Variants in TEX14 observed in about 807,000 individuals in gnomAD.
The protein encoded by TEX14 is inactive serine/threonine-protein kinase TEX14.
Under a neutral mutation model 178.6 loss-of-function variants are expected in TEX14, and 168 were observed. That is an observed-to-expected ratio of 0.94 (90% CI 0.83 to 1.07). The LOEUF (loss-of-function observed/expected upper bound fraction) is 1.07. Among genes scored for constraint, TEX14 ranks in the 50% least tolerant of loss-of-function variants. TEX14 has a pLI of 0.00. For synonymous variants in TEX14, 626 were observed against 634.1 expected (o/e 0.99, Z 0.19); for missense variants, 1,730 against 1,753.6 (o/e 0.99, Z 0.24).
intron 3 of TEX14, among the ~76,000 whole-genome samples, chr17:58,627,440 A>T (rs1230316919): frequency 6.6e-6 from 1 of 152,190 alleles, no homozygotes; most frequent in Non-Finnish European, 1.5e-5. Context: ...TATATCACTC[A>T]AGGCGATGTT....
rs1365502003 is a variant in TEX14, at chr17:58,561,528, G to A, written c.4149C>T (p.Gly1383=). Residue 1383 remains glycine, a synonymous_variant, in exon 29 of 32, where the codon GGC becomes GGT. Coordinates refer to ENST00000349033, the MANE Select transcript of TEX14 (RefSeq NM_031272.5). ...ESVELQDLPK[G]SERETNIKDQ... ...CTTTGGGGAACAATAACCTTTCAGA[G>A]CCCTTGGGAAGGTCTTGTAGCTCCA... 3.1e-6 allele frequency: 5 copies of A among 1,611,160 alleles called. No individual in the cohort carries two copies. The highest frequency in any genetic ancestry group is 1.3e-5 in the African/African-American group (1 of 74,868).
chr17:58,617,407 TA>T (rs1598390150), intron 6 of TEX14, 130 bp downstream of exon 6: 2 of 650,966 alleles, frequency 3.1e-6, no homozygotes, highest in Non-Finnish European at 5.4e-6. Context: ...TTTCCCTCAA[TA>T]GGGGCAAAAA....
intron 14 of TEX14, among the ~76,000 whole-genome samples, chr17:58,598,375 T>G (rs1225677854): frequency 6.6e-6 from 1 of 151,944 alleles, no homozygotes; most frequent in African/African-American, 2.4e-5. Flanking sequence ...TATAGCTGTT[T>G]GTTGAATGAG....
At chr17:58,565,410 A>G (rs1381855396) in intron 27 of TEX14, among the ~76,000 whole-genome samples, 1 of 152,214 alleles carries the variant, frequency 6.6e-6, no homozygotes, top group East Asian at 1.9e-4. Context: ...TATGCCAAGC[A>G]TTTTACATAT....
intron 1 of TEX14, among the ~76,000 whole-genome samples, chr17:58,673,565 G>A (rs2047339794): frequency 6.6e-6 from 1 of 151,540 alleles, no homozygotes; most frequent in South Asian, 2.1e-4. Context: ...TATTTGTATT[G>A]TTTTGTTTTT....
chr17:58,568,162 C>G (rs1340889663), intron 26 of TEX14, among the ~76,000 whole-genome samples: 1 of 152,160 alleles, frequency 6.6e-6, no homozygotes, highest in African/African-American at 2.4e-5. Context: ...GGAGTGTGGG[C>G]TCTAAGAGCC....
chr17:58,680,801 C>T (rs1044373633), intron 1 of TEX14, among the ~76,000 whole-genome samples: 1 of 152,118 alleles, frequency 6.6e-6, no homozygotes, highest in African/African-American at 2.4e-5. Context: ...CAGTGTTCTT[C>T]AATTGTCTTT....
In TEX14 at chr17:58,557,835, C is replaced by T; in HGVS notation, c.4283G>A (p.Cys1428Tyr). The T allele has an allele frequency of 1.2e-6, 2 of 1,611,958 alleles. No individual in the cohort carries two copies. Among genetic ancestry groups the T allele is most frequent in the Non-Finnish European group, 1.7e-6 (2 of 1,178,878 alleles). ...GGACCAACCTAGTCGCTTCCAAAAA[C>T]AGGATTTTAGTTCATCTTGATGAAA... Reference protein sequence around the residue: ...GTSEEDELKSCFWKRLGWSES... With the variant: ...GTSEEDELKSYFWKRLGWSES... The change falls in exon 31 of 32, where the codon TGT becomes TAT. Residue 1428 changes from cysteine (C) to tyrosine (Y), a missense_variant. Physicochemically the swap from Cys to Tyr is radical, Grantham distance 194. Coordinates refer to ENST00000349033, the MANE Select transcript of TEX14 (RefSeq NM_031272.5).
In TEX14 at chr17:58,557,022, A is replaced by G. The variant is rs1346452374; in HGVS notation, c.4345T>C (p.Leu1449=). The G allele has an allele frequency of 1.2e-6, 2 of 1,613,872 alleles. No individual in the cohort carries two copies. The highest frequency in any genetic ancestry group is 3.3e-5 in the Admixed American group (2 of 60,022). Residue 1449 remains leucine (L), a synonymous_variant, in exon 32 of 32, where the codon TTG becomes CTG. Transcript: ENST00000349033. Reference sequence around the variant, plus strand: ...TGATCCAATTCCAATCAGTCTGACAAGTCACTCTGATCCAGCACGATTATC... The same window carrying G: ...TGATCCAATTCCAATCAGTCTGACAGGTCACTCTGATCCAGCACGATTATC... ...SRIIVLDQSD[L]SD
intron 2 of TEX14, among the ~76,000 whole-genome samples, chr17:58,633,732 G>A (rs969053259): frequency 6.6e-6 from 1 of 152,104 alleles, no homozygotes; most frequent in Non-Finnish European, 1.5e-5. Context: ...ACTTTGAGAG[G>A]CCAAGGCAGG....
intron 1 of TEX14, among the ~76,000 whole-genome samples, chr17:58,675,018 T>G (rs1435405990): frequency 6.6e-6 from 1 of 151,296 alleles, no homozygotes; most frequent in East Asian, 2.0e-4. Flanking sequence ...TGGTAGCACA[T>G]GCCTATAACC....
chr17:58,572,626 T>C (rs1175690597), intron 23 of TEX14, among the ~76,000 whole-genome samples: 2 of 148,662 alleles, frequency 1.3e-5, no homozygotes, highest in East Asian at 3.9e-4. Flanking sequence ...AGTGAGACTC[T>C]GTCTTTAAAA....
intron 1 of TEX14, chr17:58,661,197 A>T (rs1287916770): frequency 1.3e-6 from 1 of 799,258 alleles, no homozygotes; most frequent in African/African-American, 1.7e-5. Context: ...TTTTCAGCTG[A>T]GTTGGTCTTG....
At chr17:58,602,153 C>T (rs2045468232) in intron 12 of TEX14, among the ~76,000 whole-genome samples, 197 bp from the exon 13 acceptor site, 1 of 152,278 alleles carries the variant, frequency 6.6e-6, no homozygotes, top group South Asian at 2.1e-4. Context: ...ACTGAATCTC[C>T]ACTAAGTGCC....
At chr17:58,605,919 A>G (rs2045596470) in intron 10 of TEX14, among the ~76,000 whole-genome samples, 1 of 152,152 alleles carries the variant, frequency 6.6e-6, no homozygotes, top group Non-Finnish European at 1.5e-5. Context: ...CTGCTTTTAT[A>G]TCACTGTACT....
At position 58,684,744 on chromosome 17, in the gene TEX14, G is replaced by T. The variant is rs1157813627; in HGVS notation, c.-2+7195C>A. 2.0e-5 allele frequency among the ~76,000 whole-genome samples: 3 copies of T among 152,234 alleles called. No individual in the cohort carries two copies. The East Asian group carries it at 5.8e-4, about 29-fold the overall frequency. Reference sequence around the variant, plus strand: ...CATATAGATTAATAGGGAGGCAGAGGTGGGCAGATCACCTGAGGTCAGGAG... The same window carrying T: ...CATATAGATTAATAGGGAGGCAGAGTTGGGCAGATCACCTGAGGTCAGGAG... On this transcript the variant is annotated intron_variant, in intron 1 of 31. Transcript: ENST00000349033.
intron 1 of TEX14, chr17:58,659,195 C>G: frequency 4.4e-6 from 1 of 226,726 alleles, no homozygotes; most frequent in Non-Finnish European, 7.3e-6. Flanking sequence ...AGTTATGCAG[C>G]CGAGTTTTCT....
chr17:58,658,218 A>G (rs574528965), intron 1 of TEX14, among the ~76,000 whole-genome samples: 23 of 152,226 alleles, frequency 1.5e-4, no homozygotes, highest in African/African-American at 3.9e-4. Context: ...CTCTGCGTGA[A>G]TTACTCTTTC....
At chr17:58,690,070 C>T (rs2047666870) in intron 1 of TEX14, among the ~76,000 whole-genome samples, 1 of 151,910 alleles carries the variant, frequency 6.6e-6, no homozygotes. Flanking sequence ...AGGATGGTCT[C>T]GATCTCCTGA....
Sources: allele counts gnomAD v4.1 joint callset (sites outside exome capture counted in the v4.1 genomes callset), GRCh38; gene constraint gnomAD v4.1.1; transcripts MANE v1.5; gene names NCBI Gene and HGNC (gene_info 2026-07-23, HGNC 2026-07-21).